Variants in PPP2R5E observed in about 807,000 individuals in gnomAD.
PPP2R5E encodes the protein protein phosphatase 2 regulatory subunit B'epsilon.
PPP2R5E carries 4 observed loss-of-function variants against 65.3 expected under a neutral mutation model. The ratio of observed to expected loss-of-function variants is 0.06; its 90% CI spans 0.03 to 0.14. The LOEUF is 0.14. Among genes scored for constraint, PPP2R5E ranks in the 10% least tolerant of loss-of-function variants. The pLI, the probability that PPP2R5E is intolerant of heterozygous loss-of-function variation, is 1.00. For missense variants in PPP2R5E, 274 were observed against 556.1 expected, an observed-to-expected ratio of 0.49 and a Z score of 5.10; for synonymous variants, 183 against 187.4, an observed-to-expected ratio of 0.98 and a Z score of 0.19.
At chr14:63,514,852 T>A (rs1892602513) in intron 2 of PPP2R5E, among the ~76,000 whole-genome samples, 1 of 152,166 alleles carries the variant, frequency 6.6e-6, no homozygotes, top group East Asian at 1.9e-4. Context: ...CTAAAATGAA[T>A]CCTGCAAGGT....
At chr14:63,523,263 G>A (rs1254502611) in intron 2 of PPP2R5E, among the ~76,000 whole-genome samples, 1 of 152,190 alleles carries the variant, frequency 6.6e-6, no homozygotes, top group African/African-American at 2.4e-5. Context: ...TTGTGGAGTA[G>A]AAAGTGGTGA....
chr14:63,509,653 C>G (rs1892372399), intron 2 of PPP2R5E, among the ~76,000 whole-genome samples: 3 of 152,260 alleles, frequency 2.0e-5, no homozygotes, highest in East Asian at 1.9e-4. Flanking sequence ...CATCTCATCT[C>G]ATTATTCCAA....
intron 2 of PPP2R5E, among the ~76,000 whole-genome samples, chr14:63,499,521 T>C (rs912530244): frequency 6.6e-6 from 1 of 151,896 alleles, no homozygotes; most frequent in Admixed American, 6.5e-5. Context: ...AGTCAGGAGT[T>C]CGAGACCAGC....
At chr14:63,490,577 C>T (rs993233664) in intron 2 of PPP2R5E, among the ~76,000 whole-genome samples, 1 of 151,980 alleles carries the variant, frequency 6.6e-6, no homozygotes, top group African/African-American at 2.4e-5. Context: ...GGGCAAAGGA[C>T]ATGAGCAAAC....
intron 2 of PPP2R5E, among the ~76,000 whole-genome samples, chr14:63,494,213 T>C (rs1355686344): frequency 2.0e-5 from 3 of 152,132 alleles, no homozygotes; most frequent in Non-Finnish European, 4.4e-5. Flanking sequence ...ATTCATACCT[T>C]AGAAGACTGT....
At chr14:63,524,876 C>T (rs1050143099) in intron 2 of PPP2R5E, among the ~76,000 whole-genome samples, 3 of 152,194 alleles carry the variant, frequency 2.0e-5, no homozygotes, top group African/African-American at 7.2e-5. Context: ...TCAGTCTCCT[C>T]GTAATTTTTA....
intron 2 of PPP2R5E, among the ~76,000 whole-genome samples, chr14:63,482,093 A>G (rs570758596): frequency 1.3e-5 from 2 of 152,350 alleles, no homozygotes; most frequent in Non-Finnish European, 2.9e-5. Context: ...TAGGAAAAAA[A>G]CTTTTCAGAA....
At chr14:63,462,216 AC>A (rs940722698) in intron 2 of PPP2R5E, among the ~76,000 whole-genome samples, 2 of 151,884 alleles carry the variant, frequency 1.3e-5, no homozygotes, top group Admixed American at 1.3e-4. Flanking sequence ...GACTACAGGC[AC>A]CTGCCACCTT....
At chr14:63,539,786 C>T in intron 1 of PPP2R5E, 94 bp from the exon 2 acceptor site, 2 of 1,276,928 alleles carry the variant, frequency 1.6e-6, no homozygotes, top group Non-Finnish European at 2.2e-6. Context: ...ATACAATATT[C>T]ATGAAAATGG....
intron 2 of PPP2R5E, among the ~76,000 whole-genome samples, chr14:63,528,428 A>C (rs28708979): frequency 0.21 from 31,780 of 152,070 alleles, 4,569 homozygotes; most frequent in African/African-American, 0.41. Context: ...ACTTTTGTGA[A>C]ATGAAAGTGA....
At chr14:63,486,150 C>G (rs554928947) in intron 2 of PPP2R5E, among the ~76,000 whole-genome samples, 1 of 151,888 alleles carries the variant, frequency 6.6e-6, no homozygotes, top group South Asian at 2.1e-4. Flanking sequence ...TTTTTGATGG[C>G]GAAGTCCCCT....
intron 5 of PPP2R5E, among the ~76,000 whole-genome samples, chr14:63,401,501 T>C (rs1885751054): frequency 6.6e-6 from 1 of 152,188 alleles, no homozygotes; most frequent in Non-Finnish European, 1.5e-5. Context: ...CCAGCCTTCT[T>C]GAAGCTCACA....
chr14:63,383,465 A>G (rs905005545), intron 12 of PPP2R5E, among the ~76,000 whole-genome samples: 3 of 152,234 alleles, frequency 2.0e-5, no homozygotes, highest in African/African-American at 7.2e-5. Context: ...CACCAAATGT[A>G]GTATACTGAG....
intron 2 of PPP2R5E, among the ~76,000 whole-genome samples, chr14:63,503,089 T>C (rs909525937): frequency 3.3e-5 from 5 of 152,144 alleles, no homozygotes; most frequent in Non-Finnish European, 7.3e-5. Context: ...AATGGTCCAA[T>C]GAGCAATACA....
chr14:63,376,178 C>T (rs1566658465), intron 13 of PPP2R5E, 70 bp from the exon 14 acceptor site: 9 of 1,124,726 alleles, frequency 8.0e-6, no homozygotes, highest in South Asian at 5.3e-5. Context: ...GAATATTTTA[C>T]AATTTCACCT....
intron 4 of PPP2R5E, among the ~76,000 whole-genome samples, chr14:63,418,510 G>A (rs1489316027): frequency 6.6e-6 from 1 of 152,174 alleles, no homozygotes; most frequent in Non-Finnish European, 1.5e-5. Context: ...AAGACTGGGG[G>A]CTGGGGAGGA....
chr14:63,387,525 G>A (rs765625048), intron 11 of PPP2R5E, among the ~76,000 whole-genome samples: 9 of 151,578 alleles, frequency 5.9e-5, no homozygotes, highest in Admixed American at 2.6e-4. Context: ...TACATAAGGC[G>A]GCCACTCAAT....
intron 2 of PPP2R5E, among the ~76,000 whole-genome samples, chr14:63,486,105 T>C (rs990818738): frequency 3.3e-5 from 5 of 152,010 alleles, no homozygotes; most frequent in South Asian, 4.1e-4. Flanking sequence ...GCTGGGATTA[T>C]AGGCATGAGC....
intron 2 of PPP2R5E, among the ~76,000 whole-genome samples, chr14:63,515,583 T>A (rs1430517232): frequency 6.6e-6 from 1 of 152,044 alleles, no homozygotes; most frequent in African/African-American, 2.4e-5. Flanking sequence ...CAGACTGGTG[T>A]GATCTTGGCT....
Sources: gnomAD v4.1 joint callset for allele counts (sites outside exome capture counted in the v4.1 genomes callset) on GRCh38, gnomAD v4.1.1 for gene constraint, MANE v1.5 for transcripts, NCBI Gene and HGNC (gene_info 2026-07-23, HGNC 2026-07-21) for gene names.